Variants in MNAT1 observed in about 807,000 individuals in gnomAD.
The protein encoded by MNAT1 is CDK-activating kinase assembly factor MAT1.
In MNAT1, 43 loss-of-function variants were observed where a neutral mutation model predicts 42.0. The ratio of observed to expected loss-of-function variants is 1.02; its 90% CI spans 0.80 to 1.32. The LOEUF is 1.32. Ranked by LOEUF, MNAT1 falls within the 40% of genes most tolerant of loss-of-function variation. The pLI is 0.00. For synonymous variants in MNAT1, 118 were observed against 120.0 expected (o/e 0.98, Z 0.11); for missense variants, 306 against 350.4 (o/e 0.87, Z 1.01).
intron 7 of MNAT1, among the ~76,000 whole-genome samples, chr14:60,883,216 C>T (rs938459253): frequency 8.6e-5 from 13 of 152,008 alleles, no homozygotes; most frequent in Non-Finnish European, 1.5e-4. Flanking sequence ...AGTTTGAGGT[C>T]TTAGATTTAA....
At chr14:60,811,535 C>T (rs2032545876) in intron 4 of MNAT1, among the ~76,000 whole-genome samples, 1 of 152,082 alleles carries the variant, frequency 6.6e-6, no homozygotes, top group African/African-American at 2.4e-5. Context: ...AACTCCTGAC[C>T]TTGTGATCCA....
intron 1 of MNAT1, among the ~76,000 whole-genome samples, chr14:60,773,354 A>G (rs762451096): frequency 2.0e-5 from 3 of 152,312 alleles, no homozygotes; most frequent in Admixed American, 6.5e-5. Flanking sequence ...CATTCATTCA[A>G]CCACTATTTG....
intron 1 of MNAT1, among the ~76,000 whole-genome samples, chr14:60,765,323 G>A (rs897863380): frequency 1.3e-5 from 2 of 152,122 alleles, no homozygotes; most frequent in East Asian, 3.8e-4. Flanking sequence ...GTTGAATAAT[G>A]AGAACACATG....
intron 1 of MNAT1, among the ~76,000 whole-genome samples, chr14:60,775,475 T>C (rs1487390201): frequency 6.6e-6 from 1 of 152,150 alleles, no homozygotes; most frequent in Non-Finnish European, 1.5e-5. Context: ...TGCAAAGGAA[T>C]GTAGAGTCAA....
intron 7 of MNAT1, among the ~76,000 whole-genome samples, chr14:60,904,311 GA>G (rs1387275978): frequency 6.6e-6 from 1 of 152,160 alleles, no homozygotes; most frequent in Non-Finnish European, 1.5e-5. Flanking sequence ...TGGTAATTAT[GA>G]AAATATTACT....
At chr14:60,889,680 G>A (rs909741494) in intron 7 of MNAT1, among the ~76,000 whole-genome samples, 4 of 152,036 alleles carry the variant, frequency 2.6e-5, no homozygotes, top group Admixed American at 6.6e-5. Context: ...CAAAATGGGA[G>A]AAAATTTTCA....
At chr14:60,819,632 C>T (rs925455909) in intron 6 of MNAT1, among the ~76,000 whole-genome samples, 1 of 151,888 alleles carries the variant, frequency 6.6e-6, no homozygotes, top group African/African-American at 2.4e-5. Flanking sequence ...TCAAAAGTAC[C>T]ACAAAATATA....
At chr14:60,953,172 A>T (rs1160992560) in intron 7 of MNAT1, among the ~76,000 whole-genome samples, 1 of 152,196 alleles carries the variant, frequency 6.6e-6, no homozygotes, top group Non-Finnish European at 1.5e-5. Context: ...TTATAAGGGT[A>T]TACATAGTAT....
intron 1 of MNAT1, among the ~76,000 whole-genome samples, chr14:60,769,776 T>G (rs2030982759): frequency 2.0e-5 from 3 of 152,172 alleles, no homozygotes; most frequent in Non-Finnish European, 4.4e-5. Flanking sequence ...CGTCTCAGCC[T>G]TCTGAGTAGC....
At position 60,918,610 on chromosome 14, in the gene MNAT1, G is replaced by T. The variant is rs370926390; in HGVS notation, c.809+38775G>T. Among the ~76,000 whole-genome samples the T allele has an allele frequency of 4.6e-5, 7 of 151,514 alleles. No individual in the cohort carries two copies. The East Asian group carries it at 9.7e-4, about 21-fold the overall frequency. On this transcript the variant is annotated intron_variant, in intron 7 of 7. Coordinates refer to ENST00000261245, the MANE Select transcript of MNAT1 (RefSeq NM_002431.4). ...AAAAATGTATCAACTAAATTATGGT[G>T]CACAAACATCATAAAAGATGAAAGG... is the stretch of plus-strand genomic sequence containing the variant.
At chr14:60,804,546 G>A (rs905927782) in intron 3 of MNAT1, among the ~76,000 whole-genome samples, 2 of 151,806 alleles carry the variant, frequency 1.3e-5, no homozygotes, top group East Asian at 3.9e-4. Context: ...ATTTTTTAGA[G>A]ATAGGGTCTC....
At chr14:60,771,295 C>A (rs2031044194) in intron 1 of MNAT1, among the ~76,000 whole-genome samples, 1 of 151,500 alleles carries the variant, frequency 6.6e-6, no homozygotes, top group Non-Finnish European at 1.5e-5. Flanking sequence ...AATGCATTTC[C>A]CTGATTGTTT....
intron 6 of MNAT1, among the ~76,000 whole-genome samples, chr14:60,859,623 C>G (rs1369272276): frequency 6.6e-6 from 1 of 152,170 alleles, no homozygotes; most frequent in African/African-American, 2.4e-5. Flanking sequence ...TTTAAACGCA[C>G]TACTGTTTTT....
At chr14:60,891,633 A>C (rs528364886) in intron 7 of MNAT1, among the ~76,000 whole-genome samples, 1 of 152,166 alleles carries the variant, frequency 6.6e-6, no homozygotes, top group Non-Finnish European at 1.5e-5. Flanking sequence ...TTGTAGTTTT[A>C]GTAGAGACCG....
chr14:60,825,886 A>G (rs903836800), intron 6 of MNAT1, among the ~76,000 whole-genome samples: 3 of 152,198 alleles, frequency 2.0e-5, no homozygotes, highest in Admixed American at 6.5e-5. Context: ...AAAAAAGTCA[A>G]AACACAAAAT....
At position 60,773,338 on chromosome 14, in the gene MNAT1, G is replaced by T. The variant is rs957592775; in HGVS notation, c.90-22879G>T. ...TAGTGAGTGGAAGTATTTTACTAAGGTGTTACATTCATTCAACCACTATTT... is the reference window on the plus strand; with the variant it reads ...TAGTGAGTGGAAGTATTTTACTAAGTTGTTACATTCATTCAACCACTATTT... On this transcript the variant is annotated intron_variant, in intron 1 of 7. Transcript: ENST00000261245. 2.6e-5 allele frequency among the ~76,000 whole-genome samples: 4 copies of T among 152,114 alleles called. No homozygotes were observed. The East Asian group carries it at 5.8e-4, about 22-fold the overall frequency.
intron 1 of MNAT1, among the ~76,000 whole-genome samples, chr14:60,794,730 G>A (rs2140325342): frequency 6.9e-6 from 1 of 144,922 alleles, no homozygotes; most frequent in East Asian, 2.0e-4. Flanking sequence ...GTGTGTGTAT[G>A]TATATATTTA....
chr14:60,909,737 T>C (rs1180897719), intron 7 of MNAT1, among the ~76,000 whole-genome samples: 1 of 152,234 alleles, frequency 6.6e-6, no homozygotes, highest in Non-Finnish European at 1.5e-5. Context: ...CCTTGTAATA[T>C]AGTTTGAAGT....
chr14:60,958,930 C>T lies in MNAT1; in HGVS notation c.810-9299C>T, dbSNP rs144817969. On this transcript the variant is annotated intron_variant, in intron 7 of 7. Transcript: ENST00000261245. ...CTGGGATTACAGGCGTGAGCCACTGCGCCTGGGAGACAAGGTCTTACTCTG... is the reference window on the plus strand; with the variant it reads ...CTGGGATTACAGGCGTGAGCCACTGTGCCTGGGAGACAAGGTCTTACTCTG... Among the ~76,000 whole-genome samples the T allele has an allele frequency of 2.4e-4, 36 of 152,190 alleles. 1 individual carries two copies. The highest frequency in any genetic ancestry group is 2.3e-3 in the East Asian group (12 of 5,152).
Sources: allele counts gnomAD v4.1 joint callset (sites outside exome capture counted in the v4.1 genomes callset), GRCh38; gene constraint gnomAD v4.1.1; transcripts MANE v1.5; gene names NCBI Gene and HGNC (gene_info 2026-07-23, HGNC 2026-07-21).